OR7C1: variants seen among roughly 807,000 people sequenced by gnomAD.
OR7C1 encodes the protein olfactory receptor family 7 subfamily C member 1, also known as olfactory receptor 7C1.
For missense variants in OR7C1, 324 were observed against 383.3 expected, an observed-to-expected ratio of 0.85 and a Z score of 1.29; for synonymous variants, 152 against 160.7, an observed-to-expected ratio of 0.95 and a Z score of 0.41.
intron 1 of OR7C1, among the ~76,000 whole-genome samples, chr19:14,834,358 T>G (rs1859949): frequency 0.72 from 109,316 of 152,040 alleles, 40,011 homozygotes; most frequent in East Asian, 0.95. Flanking sequence ...TTTCTCAATC[T>G]CAGCACTATT....
chr19:14,823,244 A>T (rs2044749508), intron 1 of OR7C1, among the ~76,000 whole-genome samples: 1 of 152,036 alleles, frequency 6.6e-6, no homozygotes, highest in Admixed American at 6.6e-5. Context: ...CTTGAGGTCT[A>T]GAGTTCGAGA....
At chr19:14,823,102 A>C (rs577065483) in intron 1 of OR7C1, among the ~76,000 whole-genome samples, 1 of 152,048 alleles carries the variant, frequency 6.6e-6, no homozygotes, top group Non-Finnish European at 1.5e-5. Context: ...CTTTCTGCCT[A>C]TATTTTATTC....
intron 1 of OR7C1, among the ~76,000 whole-genome samples, chr19:14,813,380 C>T (rs1241168719): frequency 6.6e-6 from 1 of 151,752 alleles, no homozygotes; most frequent in Non-Finnish European, 1.5e-5. Context: ...TCGGTGAAAC[C>T]CTGTCTCTAC....
chr19:14,807,341 T>C (rs553417330), intron 2 of OR7C1, among the ~76,000 whole-genome samples: 1 of 152,100 alleles, frequency 6.6e-6, no homozygotes, highest in South Asian at 2.1e-4. Context: ...AACTCAATTA[T>C]ATTTGGAAGT....
chr19:14,802,146 T>G (rs17230245), intron 2 of OR7C1, among the ~76,000 whole-genome samples: 30,651 of 152,192 alleles, frequency 0.2, 3,276 homozygotes, highest in Admixed American at 0.24. Flanking sequence ...CTCAGTGGCA[T>G]TGCTGAATAT....
intron 1 of OR7C1, among the ~76,000 whole-genome samples, chr19:14,816,674 A>G (rs1019576246): frequency 2.0e-5 from 3 of 152,038 alleles, no homozygotes; most frequent in African/African-American, 7.2e-5. Flanking sequence ...CTTGAAGACG[A>G]TCTATTGTGG....
At chr19:14,811,601 C>T (rs1338526677) in intron 1 of OR7C1, among the ~76,000 whole-genome samples, 2 of 151,612 alleles carry the variant, frequency 1.3e-5, no homozygotes, top group Admixed American at 1.3e-4. Flanking sequence ...CAACATTCAA[C>T]TCACCAAACT....
intron 1 of OR7C1, among the ~76,000 whole-genome samples, chr19:14,816,074 C>G (rs1327168630): frequency 6.6e-6 from 1 of 152,134 alleles, no homozygotes; most frequent in Non-Finnish European, 1.5e-5. Context: ...ATCCACCCCA[C>G]TTGGCCTCCC....
intron 1 of OR7C1, chr19:14,827,169 A>T: frequency 2.6e-6 from 3 of 1,147,652 alleles, no homozygotes; most frequent in South Asian, 5.6e-5. Flanking sequence ...TTGAAATCAC[A>T]ACAAATTGAA....
At chr19:14,815,845 A>G (rs1182261740) in intron 1 of OR7C1, among the ~76,000 whole-genome samples, 1 of 150,888 alleles carries the variant, frequency 6.6e-6, no homozygotes, top group Admixed American at 6.6e-5. Flanking sequence ...GTGTTGAGAC[A>G]AGGTCTTGCT....
At chr19:14,808,272 T>C (rs115643410) in intron 2 of OR7C1, among the ~76,000 whole-genome samples, 3,348 of 152,050 alleles carry the variant, frequency 0.022, 171 homozygotes, top group African/African-American at 0.076. Flanking sequence ...CTAGTGGGTA[T>C]ATACCCCAAA....
chr19:14,827,881 C>T, intron 1 of OR7C1: 2 of 1,614,162 alleles, frequency 1.2e-6, no homozygotes, highest in South Asian at 1.1e-5. Context: ...ACAAACCGGT[C>T]ATAGGCCATC....
At chr19:14,828,295 A>G (rs989184862) in intron 1 of OR7C1, 42 of 1,535,722 alleles carry the variant, frequency 2.7e-5, no homozygotes, top group Non-Finnish European at 3.6e-5. Flanking sequence ...CGAGACAGGC[A>G]TGCATTGCTA....
chr19:14,827,788 T>G (rs1040992799), intron 1 of OR7C1: 5 of 1,614,038 alleles, frequency 3.1e-6, no homozygotes, highest in Non-Finnish European at 3.4e-6. Context: ...TACAGAGCAC[T>G]CATGGTCCAG....
intron 1 of OR7C1, among the ~76,000 whole-genome samples, chr19:14,811,877 C>A (rs2044692427): frequency 6.6e-6 from 1 of 152,004 alleles, no homozygotes; most frequent in Non-Finnish European, 1.5e-5. Flanking sequence ...CACTTGCTCA[C>A]CTGCTGCTCA....
At chr19:14,816,871 G>C (rs141816789) in intron 1 of OR7C1, among the ~76,000 whole-genome samples, 196 of 152,150 alleles carry the variant, frequency 1.3e-3, no homozygotes, top group African/African-American at 4.4e-3. Context: ...TAAATAATTG[G>C]GTTCACCTAA....
At chr19:14,827,974 T>C (rs749228702) in intron 1 of OR7C1, 6 of 1,614,104 alleles carry the variant, frequency 3.7e-6, no homozygotes, top group Non-Finnish European at 5.1e-6. Context: ...GTGATGACTT[T>C]GTTCTGTGTC....
chr19:14,828,846 G>C (rs1232899502), intron 1 of OR7C1, among the ~76,000 whole-genome samples: 4 of 144,642 alleles, frequency 2.8e-5, no homozygotes, highest in African/African-American at 1.0e-4. Flanking sequence ...CCATGTTCTT[G>C]TCACTGTCTA....
At chr19:14,814,293 A>T (rs904099860) in intron 1 of OR7C1, among the ~76,000 whole-genome samples, 1 of 147,824 alleles carries the variant, frequency 6.8e-6, no homozygotes, top group Admixed American at 6.6e-5. Flanking sequence ...TAAGGGATTC[A>T]TATCCAAAAT....
Sources: gnomAD v4.1 joint callset for allele counts (sites outside exome capture counted in the v4.1 genomes callset) on GRCh38, gnomAD v4.1.1 for gene constraint, MANE v1.5 for transcripts, NCBI Gene and HGNC (gene_info 2026-07-23, HGNC 2026-07-21) for gene names.